CORO2B: variants seen among roughly 807,000 people sequenced by gnomAD.
CORO2B encodes the protein coronin 2B.
CORO2B carries 26 observed loss-of-function variants against 58.8 expected under a neutral mutation model. That is an observed-to-expected ratio of 0.44 (90% CI 0.32 to 0.61). The LOEUF (loss-of-function observed/expected upper bound fraction) is 0.61. Ranked by LOEUF, CORO2B falls within the 20% of genes least tolerant of loss-of-function variation. The probability of loss-of-function intolerance (pLI) is 0.04; values close to 1 mark genes in which losing one functional copy is unlikely to be tolerated. For missense variants in CORO2B, 460 were observed against 645.1 expected, an observed-to-expected ratio of 0.71 and a Z score of 3.11; for synonymous variants, 242 against 253.8, an observed-to-expected ratio of 0.95 and a Z score of 0.44.
At chr15:68,649,691 T>C (rs1901572296) in intron 2 of CORO2B, among the ~76,000 whole-genome samples, 1 of 152,238 alleles carries the variant, frequency 6.6e-6, no homozygotes, top group South Asian at 2.1e-4. Flanking sequence ...GATAAGTCTA[T>C]TTCATGTTCT....
intron 1 of CORO2B, among the ~76,000 whole-genome samples, chr15:68,589,020 A>G (rs1202224059): frequency 6.6e-6 from 1 of 152,224 alleles, no homozygotes; most frequent in Non-Finnish European, 1.5e-5. Context: ...TCTTTCTTCT[A>G]GAGACCCTGA....
At chr15:68,676,975 T>G (rs1362507139) in intron 2 of CORO2B, among the ~76,000 whole-genome samples, 3 of 152,110 alleles carry the variant, frequency 2.0e-5, no homozygotes, top group East Asian at 3.9e-4. Flanking sequence ...GGTTTCACTG[T>G]GCTGCCCAGG....
At chr15:68,663,394 C>A (rs1902076652) in intron 2 of CORO2B, among the ~76,000 whole-genome samples, 1 of 152,156 alleles carries the variant, frequency 6.6e-6, no homozygotes, top group South Asian at 2.1e-4. Context: ...CATGTGCATG[C>A]AGGTACGTCT....
intron 3 of CORO2B, 86 bp downstream of exon 3, chr15:68,695,342 TC>T: frequency 1.1e-6 from 1 of 949,496 alleles, no homozygotes; most frequent in Non-Finnish European, 1.7e-6. Flanking sequence ...CCTCCCCTCC[TC>T]CACCCTTTGC....
chr15:68,623,495 C>CCCCAT (rs1352054392), intron 1 of CORO2B, among the ~76,000 whole-genome samples: 4 of 152,072 alleles, frequency 2.6e-5, no homozygotes, highest in Admixed American at 6.5e-5. Context: ...CCCCACCCCA[C>CCCCAT]CCCATCCCAT....
chr15:68,546,060 G>T, the CORO2B span, among the ~76,000 whole-genome samples: 1 of 152,266 alleles, frequency 6.6e-6, no homozygotes, highest in Non-Finnish European at 1.5e-5. Flanking sequence ...CCAACAGTGA[G>T]CCGTCCTTGC....
chr15:68,693,825 A>ATTTG (rs71905785), intron 2 of CORO2B, among the ~76,000 whole-genome samples: 5,840 of 151,088 alleles, frequency 0.039, 363 homozygotes, highest in African/African-American at 0.13. Context: ...TCTGGTTGTG[A>ATTTG]TTTGTTTGTT....
chr15:68,568,799 A>T, the CORO2B span, among the ~76,000 whole-genome samples: 1 of 152,122 alleles, frequency 6.6e-6, no homozygotes, highest in Admixed American at 6.6e-5. Context: ...GGACACAGGG[A>T]GGGGAGCAAC....
chr15:68,538,987 C>T, the CORO2B span, among the ~76,000 whole-genome samples: 16 of 152,210 alleles, frequency 1.1e-4, no homozygotes, highest in Non-Finnish European at 1.3e-4. Context: ...TACCACAGAA[C>T]AGTAATCACA....
chr15:68,538,162 A>G, the CORO2B span, among the ~76,000 whole-genome samples: 1 of 152,334 alleles, frequency 6.6e-6, no homozygotes, highest in South Asian at 2.1e-4. Flanking sequence ...AACAGAAGCA[A>G]GAAACCCTAC....
the CORO2B span, among the ~76,000 whole-genome samples, chr15:68,538,121 C>T: frequency 2.6e-5 from 4 of 152,110 alleles, no homozygotes; most frequent in Non-Finnish European, 5.9e-5. Context: ...AGTAATTGAT[C>T]GGATCTCCTT....
intron 1 of CORO2B, among the ~76,000 whole-genome samples, chr15:68,616,033 G>A (rs909414827): frequency 1.6e-4 from 24 of 152,066 alleles, no homozygotes; most frequent in African/African-American, 5.6e-4. Context: ...GCAGCGGCTC[G>A]CTCCCTCCTC....
chr15:68,709,289 A>C (rs1032822105), intron 3 of CORO2B, among the ~76,000 whole-genome samples: 1 of 152,056 alleles, frequency 6.6e-6, no homozygotes, highest in Non-Finnish European at 1.5e-5. Flanking sequence ...TACTACCAAC[A>C]TCCATTCAAT....
chr15:68,533,403 G>T, the CORO2B span, among the ~76,000 whole-genome samples: 2 of 152,176 alleles, frequency 1.3e-5, no homozygotes, highest in African/African-American at 4.8e-5. Flanking sequence ...TAAAAGGTTT[G>T]CAGCTTAAAC....
chr15:68,519,990 C>T, the CORO2B span, among the ~76,000 whole-genome samples: 30,509 of 152,096 alleles, frequency 0.2, 3,438 homozygotes, highest in African/African-American at 0.3. Flanking sequence ...AGCATTCAAT[C>T]CAAACTATTT....
intron 1 of CORO2B, among the ~76,000 whole-genome samples, chr15:68,614,777 C>T (rs979186221): frequency 3.9e-5 from 6 of 152,310 alleles, no homozygotes; most frequent in African/African-American, 7.2e-5. Flanking sequence ...GCCCTTTATC[C>T]GCTCCTCTCA....
At chr15:68,686,331 C>T (rs935705505) in intron 2 of CORO2B, among the ~76,000 whole-genome samples, 7 of 151,796 alleles carry the variant, frequency 4.6e-5, no homozygotes, top group African/African-American at 1.2e-4. Context: ...CCACCACGCC[C>T]GGCTTCATAC....
At position 68,645,397 on chromosome 15, in the gene CORO2B, A is replaced by C; in HGVS notation, c.216+37A>C. 1 of 1,592,820 alleles carries C rather than the reference A, an allele frequency of 6.3e-7. No individual in the cohort carries two copies. Among genetic ancestry groups the C allele is most frequent in the Non-Finnish European group, 8.5e-7 (1 of 1,169,798 alleles). ...CTACCTTCACTCCAGCTGCAGCTCC[A>C]GGGCAGAGAGGAGCCCTCCTTGGTC... On this transcript the variant is annotated intron_variant, in intron 2 of 11. Coordinates refer to ENST00000261861, the MANE Select transcript of CORO2B (RefSeq NM_006091.5). This position sits in a 1 kb window ranked among gnomAD's most constrained non-coding sequence, Gnocchi z 4.5.
chr15:68,710,535 G>A lies in CORO2B; in HGVS notation c.334-197G>A, dbSNP rs997167870. 6.6e-6 allele frequency among the ~76,000 whole-genome samples: 1 copy of A among 152,240 alleles called. No individual in the cohort carries two copies. Among genetic ancestry groups the A allele is most frequent in the African/African-American group, 2.4e-5 (1 of 41,470 alleles). On this transcript the variant is annotated intron_variant, in intron 3 of 11. Transcript: ENST00000261861. This position sits in a 1 kb window ranked among gnomAD's most constrained non-coding sequence, Gnocchi z 4.1. ...CCAGAGAAAACCTCCCACAGGCAGA[G>A]AGATGGTCTCCTTCCTCTCCAGCCA...
Sources: gnomAD v4.1 joint callset for allele counts (sites outside exome capture counted in the v4.1 genomes callset) on GRCh38, gnomAD v4.1.1 for gene constraint, Gnocchi (gnomAD v3.1) non-coding constraint, MANE v1.5 for transcripts, NCBI Gene and HGNC (gene_info 2026-07-23, HGNC 2026-07-21) for gene names.